INPP5A: variants seen among roughly 807,000 people sequenced by gnomAD.
INPP5A encodes 43 kDa inositol polyphosphate 5-phophatase.
In INPP5A, 14 loss-of-function variants were observed where a neutral mutation model predicts 65.2. That is an observed-to-expected ratio of 0.21 (90% CI 0.14 to 0.34). INPP5A has a LOEUF of 0.34. Ranked by LOEUF, INPP5A falls within the 10% of genes least tolerant of loss-of-function variation. The pLI, the probability that INPP5A is intolerant of heterozygous loss-of-function variation, is 1.00. For synonymous variants in INPP5A, 207 were observed against 208.3 expected, an observed-to-expected ratio of 0.99 and a Z score of 0.05; for missense variants, 431 against 545.6, an observed-to-expected ratio of 0.79 and a Z score of 2.09.
intron 4 of INPP5A, among the ~76,000 whole-genome samples, chr10:132,688,687 G>T (rs1338451043): frequency 1.3e-5 from 2 of 151,600 alleles, no homozygotes; most frequent in African/African-American, 4.9e-5. Flanking sequence ...GCGTGTGCAT[G>T]AGTGCATGTG....
chr10:132,586,418 G>GTCACCC (rs1026477194), intron 1 of INPP5A, among the ~76,000 whole-genome samples: 8 of 152,208 alleles, frequency 5.3e-5, no homozygotes, highest in African/African-American at 1.9e-4. Flanking sequence ...TGGCGACCTC[G>GTCACCC]TCACCCTTCC....
chr10:132,596,942 T>TGCATGTGTGTGCGCATGTGC (rs1564929040), intron 1 of INPP5A, among the ~76,000 whole-genome samples: 1 of 30,778 alleles, frequency 3.2e-5, no homozygotes, highest in African/African-American at 1.1e-4. Flanking sequence ...CACGCATGTG[T>TGCATGTGTGTGCGCATGTGC]GCGTGTGTGC....
At chr10:132,620,339 G>C (rs1386604542) in intron 2 of INPP5A, among the ~76,000 whole-genome samples, 2 of 152,162 alleles carry the variant, frequency 1.3e-5, no homozygotes, top group Non-Finnish European at 2.9e-5. Context: ...ATGTGGCCAG[G>C]CTGCAAAGTT....
chr10:132,616,039 G>C lies in INPP5A; in HGVS notation c.117+8083G>C, dbSNP rs76128717. On this transcript the variant is annotated intron_variant, in intron 2 of 15. Transcript: ENST00000368594. The surrounding 1 kb of genome is among the most constrained non-coding windows in gnomAD (Gnocchi z 4.9). ...TTCACCCTCTGTAGCTGCCGGTTCC[G>C]GGTCCTGTGGGGAGCGGTGAGGGAT... Among the ~76,000 whole-genome samples, 1 of 152,182 alleles carries C rather than the reference G, an allele frequency of 6.6e-6. No individual in the cohort carries two copies. The highest frequency in any genetic ancestry group is 1.5e-5 in the Non-Finnish European group (1 of 68,028).
intron 2 of INPP5A, among the ~76,000 whole-genome samples, chr10:132,613,277 C>G (rs1242458374): frequency 1.4e-5 from 2 of 144,378 alleles, no homozygotes; most frequent in Non-Finnish European, 1.5e-5. Context: ...CCCGAGTCCC[C>G]CCGCAGGGCC....
chr10:132,760,561 A>G (rs1846714501), intron 11 of INPP5A, among the ~76,000 whole-genome samples: 2 of 152,232 alleles, frequency 1.3e-5, no homozygotes, highest in African/African-American at 4.8e-5. Flanking sequence ...GGACAACTTC[A>G]TTAAGGACGT....
Position 132,538,808 on chromosome 10 carries a change from C to T in INPP5A, c.75+637C>T, listed in dbSNP as rs1436696002. Among the ~76,000 whole-genome samples the T allele has an allele frequency of 6.6e-6, 1 of 152,174 alleles. No homozygotes were observed. Among genetic ancestry groups the T allele is most frequent in the East Asian group, 1.9e-4 (1 of 5,202 alleles). ...GAACTTCTGACACAGGGCTGTGGCC[C>T]CAACCTCCTGTCCCTGTTCCCCAAT... is the stretch of plus-strand genomic sequence containing the variant. On this transcript the variant is annotated intron_variant, in intron 1 of 15. Coordinates refer to ENST00000368594, the MANE Select transcript of INPP5A (RefSeq NM_005539.5). This position sits in a 1 kb window ranked among gnomAD's most constrained non-coding sequence, Gnocchi z 4.1.
At chr10:132,778,073 A>G (rs1005844866) in intron 13 of INPP5A, among the ~76,000 whole-genome samples, 4 of 152,184 alleles carry the variant, frequency 2.6e-5, no homozygotes, top group Admixed American at 6.5e-5. Context: ...AGTGTTTTCA[A>G]ATCGTGGTTC....
intron 1 of INPP5A, among the ~76,000 whole-genome samples, chr10:132,606,451 C>A (rs934477200): frequency 6.6e-6 from 1 of 152,206 alleles, no homozygotes; most frequent in Non-Finnish European, 1.5e-5. Context: ...CTCAGAGCCG[C>A]AGTGGGCGAT....
rs2072200253 is a variant in INPP5A, at chr10:132,627,446, G to A, written c.118-18422G>A. Reference sequence around the variant, plus strand: ...CGGTGGGGCTGGCGGTGCTGGGCGCGGCTCCCAAGATGCGTGCAGCTGTCC... The same window carrying A: ...CGGTGGGGCTGGCGGTGCTGGGCGCAGCTCCCAAGATGCGTGCAGCTGTCC... On this transcript the variant is annotated intron_variant, in intron 2 of 15. Transcript: ENST00000368594. This position sits in a 1 kb window ranked among gnomAD's most constrained non-coding sequence, Gnocchi z 6.6. 1.3e-5 allele frequency among the ~76,000 whole-genome samples: 2 copies of A among 152,124 alleles called. No individual in the cohort carries two copies. Among genetic ancestry groups the A allele is most frequent in the Non-Finnish European group, 2.9e-5 (2 of 68,002 alleles).
At chr10:132,544,411 A>G (rs1018170215) in intron 1 of INPP5A, among the ~76,000 whole-genome samples, 4 of 151,538 alleles carry the variant, frequency 2.6e-5, no homozygotes, top group African/African-American at 4.9e-5. Flanking sequence ...CGGTGCGGCA[A>G]TGGGCGTGGC....
intron 2 of INPP5A, among the ~76,000 whole-genome samples, chr10:132,617,176 G>T (rs1000078243): frequency 2.6e-5 from 4 of 152,156 alleles, no homozygotes. Context: ...GCTGAGGTGG[G>T]GAGCCACGAA....
At chr10:132,731,273 T>C (rs548400938) in intron 9 of INPP5A, among the ~76,000 whole-genome samples, 7 of 149,722 alleles carry the variant, frequency 4.7e-5, no homozygotes, top group African/African-American at 2.5e-5. Flanking sequence ...GCGTATCAGG[T>C]GTCCCTCCTG....
At chr10:132,763,298 T>G (rs568165875) in intron 11 of INPP5A, among the ~76,000 whole-genome samples, 1 of 152,334 alleles carries the variant, frequency 6.6e-6, no homozygotes, top group South Asian at 2.1e-4. Flanking sequence ...AAGAACCGCA[T>G]GGCACCTAGC....
chr10:132,558,173 C>T (rs978214236), intron 1 of INPP5A, among the ~76,000 whole-genome samples: 25 of 152,168 alleles, frequency 1.6e-4, no homozygotes, highest in Non-Finnish European at 4.4e-5. Context: ...AGGGAAGGGG[C>T]GCTCTGTGTC....
At chr10:132,552,711 C>T (rs1474062587) in intron 1 of INPP5A, among the ~76,000 whole-genome samples, 3 of 143,450 alleles carry the variant, frequency 2.1e-5, no homozygotes, top group Non-Finnish European at 4.6e-5. Context: ...TTCTCAGAGC[C>T]TTGGTGGCAT....
At chr10:132,558,348 C>T (rs952757924) in intron 1 of INPP5A, among the ~76,000 whole-genome samples, 2 of 152,198 alleles carry the variant, frequency 1.3e-5, no homozygotes, top group Non-Finnish European at 2.9e-5. Flanking sequence ...CGCTCCGGGG[C>T]TAATCATGGT....
At chr10:132,596,725 C>T (rs2819726) in intron 1 of INPP5A, among the ~76,000 whole-genome samples, 35,106 of 152,062 alleles carry the variant, frequency 0.23, 4,837 homozygotes, top group East Asian at 0.46. Flanking sequence ...CCACCACGCC[C>T]GGCCCATGTG....
intron 6 of INPP5A, among the ~76,000 whole-genome samples, chr10:132,703,538 T>TACACACACGTGGCTTCACCCAC (rs1231120536): frequency 2.1e-3 from 246 of 114,932 alleles, no homozygotes; most frequent in African/African-American, 7.0e-3. Flanking sequence ...CATTTACCCA[T>TACACACACGTGGCTTCACCCAC]ACACACACGT....
Sources: allele counts gnomAD v4.1 joint callset (sites outside exome capture counted in the v4.1 genomes callset), GRCh38; gene constraint gnomAD v4.1.1; non-coding constraint Gnocchi (gnomAD v3.1); transcripts MANE v1.5; gene names NCBI Gene and HGNC (gene_info 2026-07-23, HGNC 2026-07-21).